The following MYOCD variants were observed in gnomAD, a reference collection of about 807,000 sequenced individuals.
MYOCD encodes myocardin.
In MYOCD, 32 loss-of-function variants were observed where a neutral mutation model predicts 96.1. The ratio of observed to expected loss-of-function variants is 0.33; its 90% CI spans 0.25 to 0.45. The LOEUF (loss-of-function observed/expected upper bound fraction) is 0.45. MYOCD is among the 20% of genes least tolerant of loss of function. MYOCD has a pLI of 1.00. For synonymous variants in MYOCD, 469 were observed against 469.0 expected (o/e 1.00, Z 0.00); for missense variants, 1,133 against 1,200.6 (o/e 0.94, Z 0.83).
chr17:12,671,756 T>C (rs1375380831), intron 1 of MYOCD: 1 of 152,298 alleles, frequency 6.6e-6, no homozygotes, highest in Non-Finnish European at 1.5e-5. Context: ...TTGGATTAAA[T>C]TGAAGAATAA....
Position 12,744,399 on chromosome 17 carries a change from C to G in MYOCD, c.934C>G (p.Arg312Gly), listed in dbSNP as rs1597800871. 1 of 1,613,688 alleles carries G rather than the reference C, an allele frequency of 6.2e-7. No homozygotes were observed. Among genetic ancestry groups the G allele is most frequent in the African/African-American group, 1.3e-5 (1 of 75,034 alleles). Reference protein sequence around the residue: ...LSQQQQQQQHRFSYLGMHQAQ... With the variant: ...LSQQQQQQQHGFSYLGMHQAQ... ...CCAGCAGCAGCAGCAGCAGCAACAC[C>G]GATTCAGCTACCTAGGGATGCACCA... Residue 312 changes from arginine (R) to glycine (G), a missense_variant, in exon 8 of 14, where the codon CGA (arginine) becomes GGA (glycine). By Grantham distance (125) the Arg-to-Gly change is moderately radical (BLOSUM62 -2). Coordinates refer to ENST00000425538, the MANE Select transcript of MYOCD (RefSeq NM_001146312.3).
chr17:12,728,823 A>G (rs1207083586), intron 5 of MYOCD, among the ~76,000 whole-genome samples: 1 of 152,166 alleles, frequency 6.6e-6, no homozygotes. Context: ...ATATAGCCCC[A>G]TTGTCAAACC....
chr17:12,720,173 T>C (rs2031789067), intron 4 of MYOCD: 1 of 152,014 alleles, frequency 6.6e-6, no homozygotes, highest in Non-Finnish European at 1.5e-5. Flanking sequence ...ATTTGCATAA[T>C]AAAAGACTAG....
intron 12 of MYOCD, chr17:12,760,287 TTAGA>T (rs1490831339): frequency 7.0e-5 from 20 of 284,694 alleles, no homozygotes; most frequent in African/African-American, 1.1e-4. Context: ...TATGAGGGAC[TTAGA>T]TAGAATAGTC....
intron 12 of MYOCD, 160 bp downstream of exon 12, chr17:12,758,373 C>G (rs2033073274): frequency 3.6e-6 from 4 of 1,117,714 alleles, no homozygotes; most frequent in South Asian, 1.5e-5. Context: ...AATTGGAAAA[C>G]AGTGTTGCAT....
Position 12,723,028 on chromosome 17 carries a change from T to G in MYOCD, c.415+20T>G, listed in dbSNP as rs545107126. On this transcript the variant is annotated intron_variant, in intron 5 of 13. Transcript: ENST00000425538. ...TAAAAGGTAGTTAGAACAAATGGCA[T>G]GTCTCTCCTTGGTGCTATTGAGATC... The G allele has an allele frequency of 1.0e-5, 16 of 1,606,646 alleles. No individual in the cohort carries two copies. Among genetic ancestry groups the G allele is most frequent in the Non-Finnish European group, 1.3e-5 (15 of 1,176,230 alleles).
At chr17:12,700,931 TAATC>T (rs1223036592) in intron 1 of MYOCD, among the ~76,000 whole-genome samples, 3 of 152,194 alleles carry the variant, frequency 2.0e-5, no homozygotes, top group East Asian at 1.9e-4. Flanking sequence ...GGGGTTATAA[TAATC>T]AATCTATGAT....
chr17:12,715,613 A>G (rs2031616759), intron 3 of MYOCD, 39 bp downstream of exon 3: 4 of 1,525,058 alleles, frequency 2.6e-6, no homozygotes, highest in African/African-American at 1.4e-5. Context: ...CTTAGACTAT[A>G]GGTTATGAAT....
chr17:12,744,730 A>G (rs2032612488), intron 8 of MYOCD, among the ~76,000 whole-genome samples: 1 of 152,226 alleles, frequency 6.6e-6, no homozygotes. Context: ...TTTCTTAGGC[A>G]TATATACCTG....
At chr17:12,694,266 G>A (rs528757179) in intron 1 of MYOCD, among the ~76,000 whole-genome samples, 2 of 152,188 alleles carry the variant, frequency 1.3e-5, no homozygotes, top group East Asian at 1.9e-4. Flanking sequence ...AAAGGCATCC[G>A]GGAAGGGGCC....
intron 3 of MYOCD, among the ~76,000 whole-genome samples, 167 bp from the exon 4 acceptor site, chr17:12,717,179 T>C (rs2031672126): frequency 6.6e-6 from 1 of 152,164 alleles, no homozygotes; most frequent in Non-Finnish European, 1.5e-5. Context: ...TTTTCCCATC[T>C]AAAAATTACT....
chr17:12,705,921 G>A (rs726484), intron 2 of MYOCD: 22,901 of 152,166 alleles, frequency 0.15, 1,834 homozygotes, highest in Middle Eastern at 0.2. Flanking sequence ...ATGCTGTTGT[G>A]ACTGTTACTT....
At chr17:12,745,275 T>A (rs913059691) in intron 8 of MYOCD, among the ~76,000 whole-genome samples, 1 of 152,138 alleles carries the variant, frequency 6.6e-6, no homozygotes, top group African/African-American at 2.4e-5. Context: ...AATGGCGCGA[T>A]CTTGGCTCAC....
At chr17:12,699,274 A>G (rs1295103543) in intron 1 of MYOCD, among the ~76,000 whole-genome samples, 2 of 151,930 alleles carry the variant, frequency 1.3e-5, no homozygotes, top group Non-Finnish European at 2.9e-5. Context: ...ACAGACATGC[A>G]CCACCATGCC....
chr17:12,743,121 T>C (rs1270468535), intron 7 of MYOCD, among the ~76,000 whole-genome samples: 1 of 152,178 alleles, frequency 6.6e-6, no homozygotes, highest in Non-Finnish European at 1.5e-5. Context: ...TTTCAAAAAT[T>C]TGTCTTATCT....
intron 5 of MYOCD, 144 bp from the exon 6 acceptor site, chr17:12,736,017 T>A: frequency 1.4e-6 from 1 of 720,204 alleles, no homozygotes; most frequent in Non-Finnish European, 2.4e-6. Context: ...TAATTTAAAG[T>A]ATAGCTTCAC....
chr17:12,762,913 A>C, intron 13 of MYOCD, 160 bp from the exon 14 acceptor site: 2 of 609,450 alleles, frequency 3.3e-6, no homozygotes, highest in Non-Finnish European at 2.8e-6. Context: ...CAGAGGGAAG[A>C]TGAATTGGAG....
At chr17:12,706,330 G>T (rs1004431950) in intron 2 of MYOCD, among the ~76,000 whole-genome samples, 10 of 152,346 alleles carry the variant, frequency 6.6e-5, no homozygotes, top group African/African-American at 2.4e-4. Flanking sequence ...AGGAAGCAAA[G>T]GAGCAAGTCT....
chr17:12,758,908 G>C (rs998516354), intron 12 of MYOCD, among the ~76,000 whole-genome samples: 1 of 152,070 alleles, frequency 6.6e-6, no homozygotes, highest in African/African-American at 2.4e-5. Flanking sequence ...AATTAGCTGG[G>C]TGTGGTGGTG....
Sources: gnomAD v4.1 joint callset for allele counts (sites outside exome capture counted in the v4.1 genomes callset) on GRCh38, gnomAD v4.1.1 for gene constraint, MANE v1.5 for transcripts, NCBI Gene and HGNC (gene_info 2026-07-23, HGNC 2026-07-21) for gene names.